Variants in CELF2 observed in about 807,000 individuals in gnomAD.
CELF2 encodes CUG triplet repeat RNA-binding protein 2.
CELF2 carries 8 observed loss-of-function variants against 62.6 expected under a neutral mutation model. That is an observed-to-expected ratio of 0.13 (90% CI 0.07 to 0.23). CELF2 has a LOEUF of 0.23. Among genes scored for constraint, CELF2 ranks in the 10% least tolerant of loss-of-function variants. The pLI is 1.00. For missense variants in CELF2, 333 were observed against 671.0 expected (o/e 0.50, Z 5.56); for synonymous variants, 258 against 250.0 (o/e 1.03, Z -0.30).
Position 11,033,143 on chromosome 10 carries a change from A to G in CELF2, c.74+14980A>G, listed in dbSNP as rs1353902898. ...GCCTCTACAGTGAAAATTCTGAGGCATAGACATTCCTCATCAAATATCACT... is the reference window on the plus strand; with the variant it reads ...GCCTCTACAGTGAAAATTCTGAGGCGTAGACATTCCTCATCAAATATCACT... On this transcript the variant is annotated intron_variant, in intron 1 of 12. Transcript: ENST00000633077. Among the ~76,000 whole-genome samples, 5 of 152,236 alleles carry G rather than the reference A, an allele frequency of 3.3e-5. No homozygotes were observed. The East Asian group carries it at 5.8e-4, about 18-fold the overall frequency.
At chr10:10,528,796 A>G in the CELF2 span, among the ~76,000 whole-genome samples, 9 of 152,258 alleles carry the variant, frequency 5.9e-5, no homozygotes, top group African/African-American at 2.2e-4. Context: ...GACTTAAAGA[A>G]AAAAGTTTAT....
chr10:10,980,675 A>G (rs182930098), intron 2 of CELF2, among the ~76,000 whole-genome samples: 1 of 152,178 alleles, frequency 6.6e-6, no homozygotes, highest in Non-Finnish European at 1.5e-5. Context: ...GGTCTCTCGC[A>G]CCCGCACAGG....
the CELF2 span, among the ~76,000 whole-genome samples, chr10:10,499,586 A>G: frequency 6.6e-6 from 1 of 152,156 alleles, no homozygotes; most frequent in Admixed American, 6.5e-5. Flanking sequence ...ATGTGCAGAA[A>G]TAAGAACTCC....
the CELF2 span, among the ~76,000 whole-genome samples, chr10:10,613,255 G>A: frequency 3.3e-5 from 5 of 152,064 alleles, no homozygotes; most frequent in South Asian, 2.1e-4. Context: ...GTGGGGGATC[G>A]GAATATTATT....
chr10:10,591,437 T>C, the CELF2 span, among the ~76,000 whole-genome samples: 1 of 152,060 alleles, frequency 6.6e-6, no homozygotes, highest in African/African-American at 2.4e-5. Flanking sequence ...TAAGTATATA[T>C]GTATACATAC....
chr10:11,001,374 A>AT (rs2054503280), upstream of CELF2, among the ~76,000 whole-genome samples: 1 of 152,180 alleles, frequency 6.6e-6, no homozygotes, highest in Non-Finnish European at 1.5e-5. Flanking sequence ...GCTCTGGCAT[A>AT]TTTTGTATTA....
chr10:10,830,727 C>T (rs1260582148), intron 1 of CELF2, among the ~76,000 whole-genome samples: 2 of 151,930 alleles, frequency 1.3e-5, no homozygotes, highest in Non-Finnish European at 1.5e-5. Flanking sequence ...AGAAAGCATT[C>T]GCGTAAAGAA....
chr10:11,121,326 T>C (rs2057697556), intron 1 of CELF2, among the ~76,000 whole-genome samples: 1 of 152,214 alleles, frequency 6.6e-6, no homozygotes, highest in Non-Finnish European at 1.5e-5. Flanking sequence ...GGAGTCTTTG[T>C]AGGTCTGGAC....
chr10:11,097,474 A>G (rs974254822), intron 1 of CELF2: 11 of 152,168 alleles, frequency 7.2e-5, no homozygotes, highest in Admixed American at 2.0e-4. Flanking sequence ...TGGGAAAATA[A>G]AATACCCAAT....
intron 12 of CELF2, among the ~76,000 whole-genome samples, chr10:11,327,082 C>T (rs1344713331): frequency 1.3e-5 from 2 of 152,010 alleles, no homozygotes; most frequent in Non-Finnish European, 2.9e-5. Flanking sequence ...ACAGTCACCA[C>T]GTTACCCTAG....
chr10:10,912,040 A>G (rs1485856512), intron 1 of CELF2, among the ~76,000 whole-genome samples: 6 of 152,230 alleles, frequency 3.9e-5, no homozygotes, highest in African/African-American at 9.6e-5. Flanking sequence ...CTTAAATTAC[A>G]ACAATACCTA....
At chr10:10,532,617 C>T in the CELF2 span, among the ~76,000 whole-genome samples, 1 of 152,146 alleles carries the variant, frequency 6.6e-6, no homozygotes, top group Admixed American at 6.5e-5. Context: ...GCTCCAGTTC[C>T]TATAGTCTTA....
rs1300770506 is a variant in CELF2, at chr10:10,957,960, T to C, written c.89+37961T>C. On this transcript the variant is annotated intron_variant, in intron 2 of 13. Coordinates refer to the CELF2 transcript ENST00000636488. The surrounding 1 kb of genome is among the most constrained non-coding windows in gnomAD (Gnocchi z 4.1). ...TGTTATGTGTTTCAGAGGAGCGCTATGACTTAAGGAATGTATATGAAATCT... is the reference window on the plus strand; with the variant it reads ...TGTTATGTGTTTCAGAGGAGCGCTACGACTTAAGGAATGTATATGAAATCT... Among the ~76,000 whole-genome samples the C allele has an allele frequency of 6.6e-6, 1 of 152,212 alleles. No individual in the cohort carries two copies. The highest frequency in any genetic ancestry group is 1.9e-4 in the East Asian group (1 of 5,200).
chr10:10,618,275 C>T, the CELF2 span, among the ~76,000 whole-genome samples: 1 of 152,066 alleles, frequency 6.6e-6, no homozygotes, highest in African/African-American at 2.4e-5. Context: ...TTTCAAGGTG[C>T]ACAGGGACCA....
chr10:11,118,497 G>C (rs1179451140), intron 1 of CELF2, among the ~76,000 whole-genome samples: 1 of 152,126 alleles, frequency 6.6e-6, no homozygotes, highest in Non-Finnish European at 1.5e-5. Flanking sequence ...AATGCTCAAA[G>C]ATACGTCACT....
At chr10:11,111,230 A>C (rs904221418) in intron 1 of CELF2, among the ~76,000 whole-genome samples, 1 of 152,194 alleles carries the variant, frequency 6.6e-6, no homozygotes, top group African/African-American at 2.4e-5. Context: ...GGTTTTACTT[A>C]CTTTTAAAAA....
At chr10:10,570,504 A>G in the CELF2 span, among the ~76,000 whole-genome samples, 1 of 152,178 alleles carries the variant, frequency 6.6e-6, no homozygotes, top group Non-Finnish European at 1.5e-5. Context: ...AAAGAATAAT[A>G]CCAATTTTAA....
intron 2 of CELF2, among the ~76,000 whole-genome samples, chr10:11,201,804 G>C (rs1365905692): frequency 6.6e-6 from 1 of 152,188 alleles, no homozygotes; most frequent in African/African-American, 2.4e-5. Context: ...AAGAATCCAT[G>C]TTTTTGCCAA....
At chr10:11,124,237 T>G (rs906427279) in intron 1 of CELF2, among the ~76,000 whole-genome samples, 1 of 152,200 alleles carries the variant, frequency 6.6e-6, no homozygotes, top group Non-Finnish European at 1.5e-5. Flanking sequence ...ACTCTCCCTC[T>G]GTCTCTCTTG....
Sources: gnomAD v4.1 joint callset for allele counts (sites outside exome capture counted in the v4.1 genomes callset) on GRCh38, gnomAD v4.1.1 for gene constraint, Gnocchi (gnomAD v3.1) non-coding constraint, MANE v1.5 for transcripts, NCBI Gene and HGNC (gene_info 2026-07-23, HGNC 2026-07-21) for gene names.